The following MAF variants were observed in gnomAD, a reference collection of about 807,000 sequenced individuals.
MAF encodes transcription factor Maf.
MAF carries 10 observed loss-of-function variants against 22.0 expected under a neutral mutation model. That is an observed-to-expected ratio of 0.45 (90% CI 0.28 to 0.77). The LOEUF is 0.77. Among genes scored for constraint, MAF ranks in the 30% least tolerant of loss-of-function variants. The probability of loss-of-function intolerance (pLI) is 0.12; values close to 1 mark genes in which losing one functional copy is unlikely to be tolerated. For synonymous variants in MAF, 337 were observed against 255.8 expected (o/e 1.32, Z -3.03); for missense variants, 544 against 548.4 (o/e 0.99, Z 0.08).
chr16:79,441,752 G>A, the MAF span, among the ~76,000 whole-genome samples: 5 of 152,246 alleles, frequency 3.3e-5, no homozygotes, highest in Admixed American at 2.0e-4. Context: ...TGGGGGGTTC[G>A]GTGACTGAAA....
the MAF span, among the ~76,000 whole-genome samples, chr16:79,399,586 G>A: frequency 6.6e-6 from 1 of 152,170 alleles, no homozygotes; most frequent in African/African-American, 2.4e-5. Flanking sequence ...AAAAATCAGG[G>A]GCTTGTCACT....
the MAF span, among the ~76,000 whole-genome samples, chr16:79,458,549 A>C: frequency 1.3e-5 from 2 of 152,220 alleles, no homozygotes; most frequent in Non-Finnish European, 2.9e-5. Flanking sequence ...ACGTGAACCA[A>C]AATATCAGTG....
the MAF span, among the ~76,000 whole-genome samples, chr16:79,494,030 G>A: frequency 3.9e-5 from 6 of 151,936 alleles, no homozygotes; most frequent in African/African-American, 1.5e-4. Flanking sequence ...GACAGCAAAT[G>A]AGAAATCTCT....
At chr16:79,415,187 T>A in the MAF span, among the ~76,000 whole-genome samples, 42 of 152,216 alleles carry the variant, frequency 2.8e-4, no homozygotes, top group Middle Eastern at 3.4e-3. Context: ...CGGGCAGGAC[T>A]CTTGTTAGTT....
At chr16:79,518,982 C>T in the MAF span, among the ~76,000 whole-genome samples, 7 of 152,146 alleles carry the variant, frequency 4.6e-5, no homozygotes, top group African/African-American at 1.7e-4. Flanking sequence ...ATTATTAACT[C>T]TATTACTTAC....
the MAF span, among the ~76,000 whole-genome samples, chr16:79,554,088 CA>C: frequency 1.6e-5 from 2 of 126,998 alleles, no homozygotes; most frequent in African/African-American, 5.8e-5. Flanking sequence ...GACTGCCTCT[CA>C]AAAACAAACA....
At chr16:79,531,249 T>C in the MAF span, among the ~76,000 whole-genome samples, 3 of 152,114 alleles carry the variant, frequency 2.0e-5, no homozygotes, top group Non-Finnish European at 4.4e-5. Context: ...AGAAAGGCAG[T>C]GGAGTTAAGA....
At chr16:79,318,991 G>C in the MAF span, among the ~76,000 whole-genome samples, 1 of 152,238 alleles carries the variant, frequency 6.6e-6, no homozygotes, top group East Asian at 1.9e-4. Context: ...AAATAAAATA[G>C]CATTTCCTTT....
the MAF span, among the ~76,000 whole-genome samples, chr16:79,431,071 G>GGGCA: frequency 6.6e-6 from 1 of 152,042 alleles, no homozygotes; most frequent in Non-Finnish European, 1.5e-5. Context: ...CATTTTCTTT[G>GGGCA]AATCAGAACA....
the MAF span, among the ~76,000 whole-genome samples, chr16:79,416,678 T>C: frequency 6.6e-6 from 1 of 152,174 alleles, no homozygotes; most frequent in Admixed American, 6.5e-5. Context: ...GTGCTCCGAA[T>C]GGTCAGTTAG....
At chr16:79,265,900 A>T in the MAF span, among the ~76,000 whole-genome samples, 1 of 152,212 alleles carries the variant, frequency 6.6e-6, no homozygotes, top group Non-Finnish European at 1.5e-5. Flanking sequence ...CTGATGACTG[A>T]GATGGCTGCT....
the MAF span, chr16:79,212,012 A>G: frequency 6.5e-7 from 1 of 1,536,260 alleles, no homozygotes; most frequent in Non-Finnish European, 8.7e-7. Flanking sequence ...GGCTAGGCAT[A>G]GGTCTCTTTG....
the MAF span, among the ~76,000 whole-genome samples, chr16:79,268,664 C>T: frequency 5.9e-5 from 9 of 152,228 alleles, no homozygotes; most frequent in African/African-American, 2.2e-4. Flanking sequence ...AATGAATTAG[C>T]CAAACTGTAG....
At chr16:79,305,771 G>C in the MAF span, among the ~76,000 whole-genome samples, 1 of 152,166 alleles carries the variant, frequency 6.6e-6, no homozygotes. Context: ...GGTCAATGGG[G>C]GATGCACAGA....
chr16:79,316,055 G>A, the MAF span, among the ~76,000 whole-genome samples: 11 of 152,206 alleles, frequency 7.2e-5, no homozygotes, highest in Non-Finnish European at 1.3e-4. Flanking sequence ...TCATTTTCAT[G>A]AGTTGTCACC....
the MAF span, among the ~76,000 whole-genome samples, chr16:79,349,195 G>C: frequency 6.6e-6 from 1 of 152,236 alleles, no homozygotes; most frequent in Non-Finnish European, 1.5e-5. Context: ...AGGGCACACA[G>C]TGTGAAAGGG....
chr16:79,371,494 G>C, the MAF span, among the ~76,000 whole-genome samples: 1 of 152,042 alleles, frequency 6.6e-6, no homozygotes, highest in South Asian at 2.1e-4. Flanking sequence ...TGACTAACTA[G>C]GCCCTCTTGA....
intron 1 of MAF, among the ~76,000 whole-genome samples, chr16:79,586,314 G>T (rs374282201): frequency 6.6e-6 from 1 of 152,086 alleles, no homozygotes; most frequent in Non-Finnish European, 1.5e-5. Context: ...ATTTCTGTTG[G>T]GCTTCTCTCA....
At chr16:79,343,014 A>G in the MAF span, among the ~76,000 whole-genome samples, 1 of 152,172 alleles carries the variant, frequency 6.6e-6, no homozygotes, top group Non-Finnish European at 1.5e-5. Flanking sequence ...TTCTTACAGA[A>G]AAAAAGTCCT....
Sources: allele counts gnomAD v4.1 joint callset (sites outside exome capture counted in the v4.1 genomes callset), GRCh38; gene constraint gnomAD v4.1.1; transcripts MANE v1.5; gene names NCBI Gene and HGNC (gene_info 2026-07-23, HGNC 2026-07-21).